Variants in WDR41 observed in about 807,000 individuals in gnomAD.
The protein encoded by WDR41 is WD repeat domain 41.
A neutral mutation model predicts 69.3 loss-of-function variants in WDR41; 63 were observed. The ratio of observed to expected loss-of-function variants is 0.91; its 90% CI spans 0.74 to 1.12. The LOEUF (loss-of-function observed/expected upper bound fraction) is 1.12. Among genes scored for constraint, WDR41 ranks in the 50% most tolerant of loss-of-function variants. The probability of loss-of-function intolerance (pLI) is 0.00; values close to 1 mark genes in which losing one functional copy is unlikely to be tolerated. For synonymous variants in WDR41, 185 were observed against 192.1 expected (o/e 0.96, Z 0.31); for missense variants, 543 against 534.5 (o/e 1.02, Z -0.16).
chr5:77,502,702 C>T (rs148575131), intron 1 of WDR41, among the ~76,000 whole-genome samples: 67 of 152,292 alleles, frequency 4.4e-4, no homozygotes, highest in African/African-American at 1.5e-3. Flanking sequence ...CAGAAGAGAG[C>T]GGGGGCTGAT....
At chr5:77,602,782 C>CTGGATTGTATG (rs1348868581) in intron 1 of WDR41, among the ~76,000 whole-genome samples, 3 of 152,190 alleles carry the variant, frequency 2.0e-5, no homozygotes, top group East Asian at 3.9e-4. Flanking sequence ...AGTAGAATTT[C>CTGGATTGTATG]TGGATTGTAT....
At chr5:77,446,856 G>A (rs1213330687) in intron 8 of WDR41, among the ~76,000 whole-genome samples, 3 of 152,106 alleles carry the variant, frequency 2.0e-5, no homozygotes, top group Non-Finnish European at 4.4e-5. Context: ...TCAGAACACA[G>A]GCATGGGCAA....
upstream of WDR41, among the ~76,000 whole-genome samples, chr5:77,494,365 G>GATTGACAAAAAAAAACCAA: frequency 6.7e-6 from 1 of 149,264 alleles, no homozygotes; most frequent in East Asian, 2.0e-4. Context: ...AGAAAAGGCA[G>GATTGACAAAAAAAAACCAA]ATTGACAAAA....
chr5:77,569,625 T>C (rs1169472073), intron 1 of WDR41, among the ~76,000 whole-genome samples: 1 of 152,158 alleles, frequency 6.6e-6, no homozygotes, highest in Non-Finnish European at 1.5e-5. Context: ...AAGAAACCAG[T>C]AGAATGATTG....
intron 1 of WDR41, among the ~76,000 whole-genome samples, chr5:77,503,662 T>A (rs1802055353): frequency 6.6e-6 from 1 of 152,046 alleles, no homozygotes; most frequent in East Asian, 1.9e-4. Flanking sequence ...AGAACAGAAA[T>A]CTCAAAAAAC....
chr5:77,602,930 A>AT (rs904691189), intron 1 of WDR41, among the ~76,000 whole-genome samples: 1 of 139,792 alleles, frequency 7.2e-6, no homozygotes, highest in East Asian at 2.1e-4. Flanking sequence ...AGCATCTGTT[A>AT]TTTTTTTGTC....
chr5:77,491,096 T>C (rs1183589293), intron 1 of WDR41: 10 of 347,774 alleles, frequency 2.9e-5, no homozygotes, highest in Non-Finnish European at 3.5e-5. Flanking sequence ...AACTGAAGAA[T>C]CACAAAAGAA....
chr5:77,594,457 AAAT>A (rs1316512227), intron 1 of WDR41, among the ~76,000 whole-genome samples: 2 of 152,066 alleles, frequency 1.3e-5, no homozygotes, highest in African/African-American at 4.8e-5. Context: ...TAAAAAAAGA[AAAT>A]AAATAATTAA....
intron 9 of WDR41, among the ~76,000 whole-genome samples, chr5:77,439,601 G>A (rs1799080725): frequency 6.6e-6 from 1 of 152,172 alleles, no homozygotes; most frequent in Non-Finnish European, 1.5e-5. Context: ...CACAACTAGA[G>A]AATTCATGAG....
At chr5:77,547,543 AC>A (rs1254113114) in intron 1 of WDR41, among the ~76,000 whole-genome samples, 3 of 151,814 alleles carry the variant, frequency 2.0e-5, no homozygotes, top group Non-Finnish European at 4.4e-5. Flanking sequence ...AAAAAAACAA[AC>A]AAAAAATAAA....
intron 1 of WDR41, among the ~76,000 whole-genome samples, chr5:77,521,141 C>T (rs950514447): frequency 6.6e-6 from 1 of 150,552 alleles, no homozygotes; most frequent in Non-Finnish European, 1.5e-5. Context: ...GGATTGGTTT[C>T]ATGGAAGACA....
chr5:77,582,599 C>T, intron 1 of WDR41: 5 of 1,600,372 alleles, frequency 3.1e-6, no homozygotes, highest in Non-Finnish European at 4.2e-6. Context: ...GCGAGGATGG[C>T]AAGAAAAGCT....
chr5:77,555,452 GT>G (rs1561223295), intron 1 of WDR41, among the ~76,000 whole-genome samples: 1 of 152,070 alleles, frequency 6.6e-6, no homozygotes, highest in African/African-American at 2.4e-5. Context: ...GGGACTACAG[GT>G]GCACACCACC....
At chr5:77,587,346 T>C (rs1354899606) in intron 1 of WDR41, among the ~76,000 whole-genome samples, 2 of 152,162 alleles carry the variant, frequency 1.3e-5, no homozygotes, top group African/African-American at 4.8e-5. Flanking sequence ...AACACACATT[T>C]CTGCTGGACA....
At chr5:77,600,562 A>G (rs1187378303) in intron 1 of WDR41, among the ~76,000 whole-genome samples, 1 of 152,052 alleles carries the variant, frequency 6.6e-6, no homozygotes, top group South Asian at 2.1e-4. Context: ...CTGTATATCT[A>G]AAAAAAATTT....
chr5:77,494,331 A>C (rs1017489015), upstream of WDR41, among the ~76,000 whole-genome samples: 2 of 152,030 alleles, frequency 1.3e-5, no homozygotes, highest in African/African-American at 4.8e-5. Context: ...ATTACTTTAA[A>C]TATAAATAGA....
In WDR41 at chr5:77,487,361, C is replaced by T. The variant is rs963896573; in HGVS notation, c.167+2096G>A. ...CTTACCTTTCCAGAAATAATTAGTTCCCCACAAAAATGACCACTTTAATAA... is the reference window on the plus strand; with the variant it reads ...CTTACCTTTCCAGAAATAATTAGTTTCCCACAAAAATGACCACTTTAATAA... On this transcript the variant is annotated intron_variant, in intron 2 of 12. Transcript: ENST00000296679. Among the ~76,000 whole-genome samples the T allele has an allele frequency of 2.0e-5, 3 of 152,150 alleles. No homozygotes were observed. In the East Asian group the frequency reaches 5.8e-4, roughly 29 times the overall value.
At chr5:77,492,087 CG>C in intron 1 of WDR41, 82 bp downstream of exon 1, 1 of 1,533,026 alleles carries the variant, frequency 6.5e-7, no homozygotes, top group Non-Finnish European at 8.9e-7. Flanking sequence ...TCCCCGCGGT[CG>C]GAACCCAGGA....
intron 2 of WDR41, among the ~76,000 whole-genome samples, chr5:77,471,643 A>C (rs1342033373): frequency 6.6e-6 from 1 of 152,166 alleles, no homozygotes; most frequent in African/African-American, 2.4e-5. Context: ...AGAATACTAA[A>C]AACACCTCTA....
Sources: gnomAD v4.1 joint callset for allele counts (sites outside exome capture counted in the v4.1 genomes callset) on GRCh38, gnomAD v4.1.1 for gene constraint, MANE v1.5 for transcripts, NCBI Gene and HGNC (gene_info 2026-07-23, HGNC 2026-07-21) for gene names.